Variants in ROR2 observed in about 807,000 individuals in gnomAD.
The protein encoded by ROR2 is tyrosine-protein kinase transmembrane receptor ROR2.
In ROR2, 33 loss-of-function variants were observed where a neutral mutation model predicts 74.9. That is an observed-to-expected ratio of 0.44 (90% CI 0.33 to 0.59). ROR2 has a LOEUF of 0.59. ROR2 is among the 20% of genes least tolerant of loss of function. The pLI, the probability that ROR2 is intolerant of heterozygous loss-of-function variation, is 0.02. For missense variants in ROR2, 1,216 were observed against 1,313.8 expected (o/e 0.93, Z 1.15); for synonymous variants, 586 against 558.7 (o/e 1.05, Z -0.69).
chr9:91,747,722 G>C (rs1164023252), intron 4 of ROR2, among the ~76,000 whole-genome samples: 2 of 152,036 alleles, frequency 1.3e-5, no homozygotes, highest in Non-Finnish European at 2.9e-5. Flanking sequence ...AAGGTCCAGA[G>C]ATATCGTAAG....
chr9:91,724,324 G>T lies in ROR2; in HGVS notation c.2170C>A (p.Leu724Ile). The stretch of plus-strand genomic sequence containing the variant: ...AACTCGTTCCAGCACTCGATCATGA[G>T]GGCATACACCCAGGCGGGACAGTCA... ...PDDCPAWVYA[L>I]MIECWNEFPS... The change falls in exon 9 of 9, where the codon CTC becomes ATC. Residue 724 changes from leucine (L) to isoleucine (I), a missense_variant. By Grantham distance (5) the Leu-to-Ile change is conservative. Coordinates refer to ENST00000375708, the MANE Select transcript of ROR2 (RefSeq NM_004560.4). 1 of 1,613,256 alleles carries T rather than the reference G, an allele frequency of 6.2e-7. No homozygotes were observed.
chr9:91,749,325 C>T (rs1158679049), intron 4 of ROR2, among the ~76,000 whole-genome samples: 1 of 152,210 alleles, frequency 6.6e-6, no homozygotes, highest in Non-Finnish European at 1.5e-5. Flanking sequence ...GGAAGTCCAA[C>T]ATCAAGGTGC....
At chr9:91,827,623 C>T (rs1011029239) in intron 1 of ROR2, among the ~76,000 whole-genome samples, 1 of 152,156 alleles carries the variant, frequency 6.6e-6, no homozygotes, top group African/African-American at 2.4e-5. Flanking sequence ...GGGGTGGGTT[C>T]AGGATGCATG....
At chr9:91,807,642 G>A (rs1458874429) in intron 1 of ROR2, among the ~76,000 whole-genome samples, 3 of 152,124 alleles carry the variant, frequency 2.0e-5, no homozygotes, top group Admixed American at 6.5e-5. Context: ...GGGATCAGAC[G>A]CTACCTCCAG....
intron 1 of ROR2, among the ~76,000 whole-genome samples, chr9:91,853,336 G>C (rs1229086231): frequency 6.6e-6 from 1 of 152,206 alleles, no homozygotes. Flanking sequence ...GCCCCAACAG[G>C]TGAGGTGGAA....
chr9:91,921,391 T>C (rs576925812), intron 1 of ROR2, among the ~76,000 whole-genome samples: 15 of 152,188 alleles, frequency 9.9e-5, no homozygotes, highest in Non-Finnish European at 2.1e-4. Context: ...CTTACATATA[T>C]GGCAAAAGTA....
At chr9:91,886,063 C>T (rs1345468845) in intron 1 of ROR2, among the ~76,000 whole-genome samples, 9 of 151,822 alleles carry the variant, frequency 5.9e-5, no homozygotes, top group African/African-American at 1.7e-4. Flanking sequence ...TTAGTAGAGA[C>T]GGGATTTCAC....
At chr9:91,801,828 C>T (rs1827388997) in intron 1 of ROR2, among the ~76,000 whole-genome samples, 2 of 152,232 alleles carry the variant, frequency 1.3e-5, no homozygotes, top group Non-Finnish European at 2.9e-5. Flanking sequence ...ACTGGATATG[C>T]TGAACATGAA....
At chr9:91,780,917 T>G (rs1053152541) in intron 1 of ROR2, among the ~76,000 whole-genome samples, 2 of 152,282 alleles carry the variant, frequency 1.3e-5, no homozygotes, top group African/African-American at 4.8e-5. Flanking sequence ...CATTTATTAA[T>G]GAAGTTTCAC....
At chr9:91,930,841 T>G (rs1372888672) in intron 1 of ROR2, among the ~76,000 whole-genome samples, 1 of 152,196 alleles carries the variant, frequency 6.6e-6, no homozygotes, top group Non-Finnish European at 1.5e-5. Flanking sequence ...AAGCAAGACT[T>G]AATTTGCAGA....
intron 1 of ROR2, among the ~76,000 whole-genome samples, chr9:91,839,275 T>TGTAAGTACAGGC (rs11283227): frequency 0.1 from 14,741 of 145,928 alleles, 1,629 homozygotes; most frequent in African/African-American, 0.28. Context: ...TGTGTGTGTG[T>TGTAAGTACAGGC]GTGTGTGTGT....
chr9:91,749,911 C>CT (rs1367392692), intron 4 of ROR2, among the ~76,000 whole-genome samples: 9 of 151,924 alleles, frequency 5.9e-5, no homozygotes, highest in Non-Finnish European at 7.4e-5. Context: ...CATATTCTTT[C>CT]TTTTTTTTGA....
intron 1 of ROR2, among the ~76,000 whole-genome samples, chr9:91,920,679 A>T (rs1831241081): frequency 6.6e-6 from 1 of 152,164 alleles, no homozygotes; most frequent in Non-Finnish European, 1.5e-5. Flanking sequence ...CATATCGACA[A>T]AGCAAATGAA....
At chr9:91,929,984 G>A (rs76457130) in intron 1 of ROR2, among the ~76,000 whole-genome samples, 2,392 of 152,104 alleles carry the variant, frequency 0.016, 66 homozygotes, top group African/African-American at 0.055. Context: ...CTACTGCAGT[G>A]GCTGCTCAAC....
chr9:91,940,893 C>T (rs373488291), intron 1 of ROR2, among the ~76,000 whole-genome samples: 10 of 150,798 alleles, frequency 6.6e-5, no homozygotes, highest in African/African-American at 2.2e-4. Context: ...TGAGCCACCA[C>T]CTCGCCGGGC....
At chr9:91,928,945 A>G (rs1831479193) in intron 1 of ROR2, among the ~76,000 whole-genome samples, 1 of 152,230 alleles carries the variant, frequency 6.6e-6, no homozygotes, top group Admixed American at 6.5e-5. Context: ...ATTTTGCTAC[A>G]GGTGTTGAAT....
chr9:91,950,017 G>A lies in ROR2; in HGVS notation c.-54C>T. The A allele has an allele frequency of 1.0e-6, 1 of 956,504 alleles. No homozygotes were observed. The highest frequency in any genetic ancestry group is 2.3e-5 in the South Asian group (1 of 43,688). 59.3% of individuals were successfully genotyped at this position (956,504 alleles called of 1,614,324 possible). On this transcript the variant is annotated 5_prime_UTR_variant, in exon 1 of 9. Transcript: ENST00000375708. ...TCAGAGCTTCGGGCCGGGGCGCGGGGTCGGGCGCCACCACCCCTTTCTACG... is the reference window on the plus strand; with the variant it reads ...TCAGAGCTTCGGGCCGGGGCGCGGGATCGGGCGCCACCACCCCTTTCTACG...
At chr9:91,917,687 G>A (rs927833513) in intron 1 of ROR2, among the ~76,000 whole-genome samples, 1 of 152,212 alleles carries the variant, frequency 6.6e-6, no homozygotes, top group Non-Finnish European at 1.5e-5. Flanking sequence ...AGCGTACCTG[G>A]TGTAGAGCTG....
At chr9:91,830,306 G>A (rs962264079) in intron 1 of ROR2, among the ~76,000 whole-genome samples, 16 of 152,016 alleles carry the variant, frequency 1.1e-4, no homozygotes, top group Non-Finnish European at 1.9e-4. Flanking sequence ...CTCTACAAAC[G>A]ATAAAAATTT....
Sources: allele counts gnomAD v4.1 joint callset (sites outside exome capture counted in the v4.1 genomes callset), GRCh38; gene constraint gnomAD v4.1.1; transcripts MANE v1.5; gene names NCBI Gene and HGNC (gene_info 2026-07-23, HGNC 2026-07-21).